MRPS6: variants seen among roughly 807,000 people sequenced by gnomAD.
MRPS6 encodes the protein mitochondrial ribosomal protein S6.
Under a neutral mutation model 13.1 loss-of-function variants are expected in MRPS6, and 6 were observed. That is an observed-to-expected ratio of 0.46 (90% CI 0.25 to 0.91). The LOEUF (loss-of-function observed/expected upper bound fraction) is 0.91, where lower values mean the gene tolerates loss of function less well. Ranked by LOEUF, MRPS6 falls within the 40% of genes least tolerant of loss-of-function variation. The probability of loss-of-function intolerance (pLI) is 0.18; values close to 1 mark genes in which losing one functional copy is unlikely to be tolerated. For missense variants in MRPS6, 164 were observed against 155.6 expected (o/e 1.05, Z -0.29); for synonymous variants, 61 against 56.5 (o/e 1.08, Z -0.36).
intron 2 of MRPS6, among the ~76,000 whole-genome samples, chr21:34,128,485 G>A (rs879341373): frequency 5.3e-5 from 8 of 152,150 alleles, no homozygotes; most frequent in Non-Finnish European, 1.2e-4. Context: ...GAGGAGGAGA[G>A]TATACTTTGG....
intron 1 of MRPS6, among the ~76,000 whole-genome samples, chr21:34,112,761 C>G (rs62212126): frequency 0.056 from 8,490 of 152,222 alleles, 282 homozygotes; most frequent in Middle Eastern, 0.13. Flanking sequence ...CCATTCTACT[C>G]TCTATGAGAT....
intron 2 of MRPS6, among the ~76,000 whole-genome samples, chr21:34,139,659 C>T (rs1018960029): frequency 5.3e-5 from 8 of 152,070 alleles, no homozygotes; most frequent in African/African-American, 1.9e-4. Flanking sequence ...CTCACTGCAG[C>T]GTGGACCTCC....
intron 1 of MRPS6, among the ~76,000 whole-genome samples, chr21:34,093,814 T>A (rs1316327161): frequency 6.6e-6 from 1 of 152,238 alleles, no homozygotes. Context: ...ATGTCTGTTT[T>A]GCAGAGTGAT....
chr21:34,075,681 C>T (rs1489271576), intron 1 of MRPS6, among the ~76,000 whole-genome samples: 1 of 152,194 alleles, frequency 6.6e-6, no homozygotes, highest in Non-Finnish European at 1.5e-5. Flanking sequence ...TGAGGAGATC[C>T]TTGACCTAAA....
chr21:34,086,891 G>A (rs1978416738), intron 1 of MRPS6, among the ~76,000 whole-genome samples: 1 of 152,168 alleles, frequency 6.6e-6, no homozygotes, highest in South Asian at 2.1e-4. Context: ...TGAGCTGAAG[G>A]GAATTGTTGC....
At chr21:34,082,236 T>C (rs1478561905) in intron 1 of MRPS6, among the ~76,000 whole-genome samples, 6 of 152,218 alleles carry the variant, frequency 3.9e-5, no homozygotes, top group African/African-American at 1.4e-4. Context: ...AATTGGTCAC[T>C]GGTTTGCAGT....
chr21:34,085,600 CTTTT>C (rs56135810), intron 1 of MRPS6, among the ~76,000 whole-genome samples: 5 of 130,258 alleles, frequency 3.8e-5, no homozygotes, highest in South Asian at 2.4e-4. Flanking sequence ...GAAATAAGGA[CTTTT>C]TTTTTTTTTT....
intron 1 of MRPS6, among the ~76,000 whole-genome samples, chr21:34,083,517 G>A (rs545065958): frequency 6.6e-6 from 1 of 152,318 alleles, no homozygotes; most frequent in Admixed American, 6.5e-5. Flanking sequence ...GTACTGAAGT[G>A]TGTGGTTTTG....
chr21:34,137,799 C>T (rs567968650), intron 2 of MRPS6, among the ~76,000 whole-genome samples: 1 of 150,492 alleles, frequency 6.6e-6, no homozygotes, highest in African/African-American at 2.5e-5. Flanking sequence ...TTTTTTTAAT[C>T]AGGAATGGCT....
intron 1 of MRPS6, among the ~76,000 whole-genome samples, chr21:34,120,814 G>A (rs1451966881): frequency 2.6e-5 from 4 of 152,158 alleles, no homozygotes; most frequent in Non-Finnish European, 4.4e-5. Context: ...TTGGTACTGC[G>A]TGAAGTAAAT....
rs775740185 is a variant in MRPS6 at position 34,095,441 on chromosome 21, A to C, written c.45+21696A>C. On this transcript the variant is annotated intron_variant, in intron 1 of 2. Coordinates refer to ENST00000399312, the MANE Select transcript of MRPS6 (RefSeq NM_032476.4). Reference sequence around the variant, plus strand: ...CTGCAAGTGGATTTGCAGTGGGCGCATGGGAATTCAATGCCTTACTGCTTT... The same window carrying C: ...CTGCAAGTGGATTTGCAGTGGGCGCCTGGGAATTCAATGCCTTACTGCTTT... The C allele has an allele frequency of 2.5e-6, 4 of 1,614,110 alleles. 1 individual carries two copies. The South Asian group carries it at 4.4e-5, about 18-fold the overall frequency.
At chr21:34,078,440 ATGTATGAAGAC>A (rs1343888939) in intron 1 of MRPS6, among the ~76,000 whole-genome samples, 2 of 152,106 alleles carry the variant, frequency 1.3e-5, no homozygotes, top group Non-Finnish European at 2.9e-5. Context: ...TATGGTTTGT[ATGTATGAAGAC>A]TGCTTGTCAG....
chr21:34,086,238 A>G (rs1978369647), intron 1 of MRPS6, among the ~76,000 whole-genome samples: 1 of 152,278 alleles, frequency 6.6e-6, no homozygotes, highest in East Asian at 1.9e-4. Flanking sequence ...TTGTAAGAGC[A>G]CTTAAGTGGT....
chr21:34,093,408 C>A (rs1190322670), intron 1 of MRPS6, among the ~76,000 whole-genome samples: 1 of 152,252 alleles, frequency 6.6e-6, no homozygotes, highest in East Asian at 1.9e-4. Context: ...GTTTTTTCTG[C>A]ATTAGACCTA....
intron 1 of MRPS6, among the ~76,000 whole-genome samples, chr21:34,084,233 C>A (rs537029473): frequency 2.0e-5 from 3 of 151,904 alleles, no homozygotes; most frequent in Non-Finnish European, 1.5e-5. Context: ...TCTGAATCTT[C>A]TATTTATAAC....
chr21:34,081,887 A>C (rs984192801), intron 1 of MRPS6, among the ~76,000 whole-genome samples: 1 of 152,188 alleles, frequency 6.6e-6, no homozygotes, highest in Non-Finnish European at 1.5e-5. Context: ...AAACTAGATC[A>C]AAGCTGAAAT....
At chr21:34,083,486 A>G (rs1158274609) in intron 1 of MRPS6, among the ~76,000 whole-genome samples, 1 of 152,194 alleles carries the variant, frequency 6.6e-6, no homozygotes, top group African/African-American at 2.4e-5. Flanking sequence ...TCTGTCAGGC[A>G]TGTTGTAGGA....
intron 1 of MRPS6, among the ~76,000 whole-genome samples, chr21:34,089,742 A>G (rs1373142060): frequency 1.3e-5 from 2 of 152,086 alleles, no homozygotes; most frequent in South Asian, 2.1e-4. Flanking sequence ...GTCCCTCCCT[A>G]CTCTGCCTCA....
chr21:34,135,429 A>G (rs570131802), intron 2 of MRPS6: 4 of 450,302 alleles, frequency 8.9e-6, no homozygotes, highest in South Asian at 7.0e-5. Flanking sequence ...TCAGCTGGGA[A>G]AATCAGCGGT....
Sources: gnomAD v4.1 joint callset for allele counts (sites outside exome capture counted in the v4.1 genomes callset) on GRCh38, gnomAD v4.1.1 for gene constraint, MANE v1.5 for transcripts, NCBI Gene and HGNC (gene_info 2026-07-23, HGNC 2026-07-21) for gene names.